DNAI3: variants seen among roughly 807,000 people sequenced by gnomAD.
DNAI3 encodes the protein WD repeat domain 63.
In DNAI3, 83 loss-of-function variants were observed where a neutral mutation model predicts 115.5. The ratio of observed to expected loss-of-function variants is 0.72; its 90% CI spans 0.60 to 0.86. The LOEUF (loss-of-function observed/expected upper bound fraction) is 0.86, where lower values mean the gene tolerates loss of function less well. Ranked by LOEUF, DNAI3 falls within the 40% of genes least tolerant of loss-of-function variation. DNAI3 has a pLI of 0.00. For synonymous variants in DNAI3, 320 were observed against 347.0 expected, an observed-to-expected ratio of 0.92 and a Z score of 0.86; for missense variants, 1,004 against 1,075.8, an observed-to-expected ratio of 0.93 and a Z score of 0.93.
At chr1:85,114,827 A>G (rs896543633) in intron 16 of DNAI3, among the ~76,000 whole-genome samples, 1 of 152,208 alleles carries the variant, frequency 6.6e-6, no homozygotes, top group African/African-American at 2.4e-5. Flanking sequence ...GTTGAGACTT[A>G]GTGTCAGTGT....
At chr1:85,070,473 C>T (rs1229876538) in intron 1 of DNAI3, among the ~76,000 whole-genome samples, 2 of 109,730 alleles carry the variant, frequency 1.8e-5, no homozygotes, top group Non-Finnish European at 3.9e-5. Context: ...AGGAGAGTCA[C>T]CTGAACCTCT....
In DNAI3 at chr1:85,084,639, T is replaced by G. The variant is rs1195105921; in HGVS notation, c.484T>G (p.Ser162Ala). ...YKPPVSKPWVSLGSEKEIEEE... is the reference protein window; with the variant it reads ...YKPPVSKPWVALGSEKEIEEE... ...ACCACCTGTCTCTAAACCATGGGTT[T>G]CTTTGGGCAGTGAAAAAGAAATTGA... Residue 162 changes from serine to alanine, a missense_variant, in exon 6 of 23, where the codon TCT becomes GCT. By Grantham distance (99) the Ser-to-Ala change is moderately conservative. This residue lies in a region of DNAI3 where 550 missense variants were observed against 568.1 expected (regional missense o/e 0.97). Coordinates refer to ENST00000294664, the MANE Select transcript of DNAI3 (RefSeq NM_145172.5). 2 of 1,568,090 alleles carry G rather than the reference T, an allele frequency of 1.3e-6. No homozygotes were observed. The highest frequency in any genetic ancestry group is 1.7e-6 in the Non-Finnish European group (2 of 1,157,108).
rs573129692 is a variant in DNAI3, at chr1:85,064,965, G to A, written c.-15+2479G>A. On this transcript the variant is annotated intron_variant, in intron 1 of 22. Transcript: ENST00000294664. The stretch of plus-strand genomic sequence containing the variant: ...GGAGAATCGCTTGAACCCGGGAGGC[G>A]GAGGTTGCAATGAGCTGAGATTACG... Among the ~76,000 whole-genome samples, 373 of 152,182 alleles carry A rather than the reference G, an allele frequency of 2.5e-3. 1 individual carries two copies. Among genetic ancestry groups the A allele is most frequent in the Non-Finnish European group, 4.5e-3 (303 of 68,012 alleles).
intron 13 of DNAI3, among the ~76,000 whole-genome samples, chr1:85,102,127 C>T (rs993860155): frequency 6.6e-6 from 1 of 151,938 alleles, no homozygotes; most frequent in Non-Finnish European, 1.5e-5. Context: ...AAATAAGACC[C>T]AGTGTTTGAC....
rs1444914481 is a variant in DNAI3, at chr1:85,098,594, C to T, written c.1415C>T (p.Ser472Phe). The T allele has an allele frequency of 6.2e-7, 1 of 1,613,604 alleles. No individual in the cohort carries two copies. Among genetic ancestry groups the T allele is most frequent in the East Asian group, 2.2e-5 (1 of 44,784 alleles). The change falls in exon 13 of 23, where the codon TCT becomes TTT. Residue 472 changes from serine to phenylalanine, a missense_variant. Transcript: ENST00000294664. ...EAMYIRHCAV[S>F]SIENGHKKVI... ...ATGTATATCAGACACTGTGCAGTCT[C>T]TTCAATAGAAAATGGACATAAGAAA...
intron 16 of DNAI3, among the ~76,000 whole-genome samples, chr1:85,113,108 A>G (rs533211007): frequency 3.0e-4 from 45 of 152,316 alleles, no homozygotes; most frequent in African/African-American, 1.1e-3. Context: ...AGTTCTTAAT[A>G]TATCTTATAT....
chr1:85,084,417 CA>C (rs895633242), intron 5 of DNAI3, 128 bp from the exon 6 acceptor site: 191 of 641,440 alleles, frequency 3.0e-4, no homozygotes, highest in African/African-American at 1.0e-3. Flanking sequence ...TGTGAATTGA[CA>C]AAAAAAAGTA....
intron 5 of DNAI3, among the ~76,000 whole-genome samples, chr1:85,082,671 G>C (rs1212466545): frequency 6.6e-6 from 1 of 152,080 alleles, no homozygotes. Context: ...GCAATTTGTT[G>C]ATTAGCAGAA....
At chr1:85,101,078 A>T (rs1183792182) in intron 13 of DNAI3, among the ~76,000 whole-genome samples, 6 of 152,028 alleles carry the variant, frequency 3.9e-5, no homozygotes, top group Admixed American at 6.6e-5. Flanking sequence ...CATATGTAAC[A>T]AACCTGCACA....
In DNAI3 at chr1:85,084,640, C is replaced by T. The variant is rs1268007690; in HGVS notation, c.485C>T (p.Ser162Phe). Reference protein sequence around the residue: ...YKPPVSKPWVSLGSEKEIEEE... With the variant: ...YKPPVSKPWVFLGSEKEIEEE... ...CCACCTGTCTCTAAACCATGGGTTT[C>T]TTTGGGCAGTGAAAAAGAAATTGAG... The change falls in exon 6 of 23, where the codon TCT becomes TTT. Residue 162 changes from serine to phenylalanine, a missense_variant. Physicochemically the swap from Ser to Phe is radical, Grantham distance 155 (BLOSUM62 -2). Around this residue, in one of 3 missense-constraint regions of DNAI3, gnomAD observed 550 missense variants for 568.1 expected, o/e 0.97. Coordinates refer to ENST00000294664, the MANE Select transcript of DNAI3 (RefSeq NM_145172.5). 1 of 1,565,510 alleles carries T rather than the reference C, an allele frequency of 6.4e-7. No homozygotes were observed. Among genetic ancestry groups the T allele is most frequent in the Non-Finnish European group, 8.7e-7 (1 of 1,155,788 alleles).
intron 14 of DNAI3, among the ~76,000 whole-genome samples, 194 bp from the exon 15 acceptor site, chr1:85,107,839 G>C (rs1324845848): frequency 6.6e-6 from 1 of 152,112 alleles, no homozygotes; most frequent in Admixed American, 6.5e-5. Context: ...GATGAGGGAG[G>C]CTGTTAACTC....
In DNAI3 at chr1:85,108,079, C is replaced by A. The variant is rs751186043; in HGVS notation, c.1600C>A (p.Gln534Lys). ...TAGACCACAGAAACCTTTAACCCCC[C>A]AAACAACAGAGAAAAAGAAGGAGGA... Reference protein sequence around the residue: ...DIRPQKPLTPQTTEKKKEESI... With the variant: ...DIRPQKPLTPKTTEKKKEESI... Residue 534 changes from glutamine (Q) to lysine (K), a missense_variant, in exon 15 of 23, where the codon CAA (glutamine) becomes AAA (lysine). By Grantham distance (53) the Gln-to-Lys change is moderately conservative. Transcript: ENST00000294664. 3.1e-6 allele frequency: 5 copies of A among 1,609,438 alleles called. No homozygotes were observed. The South Asian group carries it at 4.4e-5, about 14-fold the overall frequency.
At position 85,117,247 on chromosome 1, in the gene DNAI3, T is replaced by TA. The variant is rs987859494; in HGVS notation, c.1787-474dup. ...TAAAATAGGATATTATCCAGTTTTT[T>TA]AAAAAAAAGTGAATTTACAAGAAAA... On this transcript the variant is annotated intron_variant, in intron 16 of 22. Coordinates refer to ENST00000294664, the MANE Select transcript of DNAI3 (RefSeq NM_145172.5). Among the ~76,000 whole-genome samples, 18 of 152,206 alleles carry TA rather than the reference T, an allele frequency of 1.2e-4. No homozygotes were observed. In the South Asian group the frequency reaches 2.7e-3, roughly 23 times the overall value.
At chr1:85,066,314 C>CATTTTTTTTTTTTTTTTTTT (rs1553164760) in intron 1 of DNAI3, among the ~76,000 whole-genome samples, 1 of 70,014 alleles carries the variant, frequency 1.4e-5, no homozygotes, top group Non-Finnish European at 2.5e-5. Flanking sequence ...TTCTGCTACT[C>CATTTTTTTTTTTTTTTTTTT]TTTTTTTTTT....
intron 3 of DNAI3, among the ~76,000 whole-genome samples, chr1:85,078,592 A>G (rs1250554918): frequency 6.6e-6 from 1 of 152,142 alleles, no homozygotes; most frequent in African/African-American, 2.4e-5. Flanking sequence ...GCTGTAGCCT[A>G]TGGTGCTGTT....
chr1:85,074,362 G>C (rs1335989606), intron 3 of DNAI3, among the ~76,000 whole-genome samples: 1 of 152,116 alleles, frequency 6.6e-6, no homozygotes. Context: ...AACTTGCAGT[G>C]GTCCTGGCTC....
chr1:85,083,958 T>C (rs1654708794), intron 5 of DNAI3, among the ~76,000 whole-genome samples: 1 of 151,668 alleles, frequency 6.6e-6, no homozygotes, highest in South Asian at 2.1e-4. Flanking sequence ...TGCAACTTCA[T>C]TTTTCACCAA....
intron 9 of DNAI3, chr1:85,094,003 T>A (rs1254385133): frequency 4.5e-6 from 2 of 443,536 alleles, no homozygotes; most frequent in Non-Finnish European, 8.7e-6. Flanking sequence ...TTCTGATTAC[T>A]AGACAAGAGA....
chr1:85,087,290 G>A (rs1371377320), intron 7 of DNAI3, among the ~76,000 whole-genome samples: 2 of 151,816 alleles, frequency 1.3e-5, no homozygotes, highest in African/African-American at 2.4e-5. Context: ...ACGCAAATTA[G>A]CCAGGCGTGG....
Sources: allele counts gnomAD v4.1 joint callset (sites outside exome capture counted in the v4.1 genomes callset), GRCh38; gene constraint gnomAD v4.1.1; regional missense constraint gnomAD v4.1.1; transcripts MANE v1.5; gene names NCBI Gene and HGNC (gene_info 2026-07-23, HGNC 2026-07-21).